ARID1B: variants seen among roughly 807,000 people sequenced by gnomAD.
The protein encoded by ARID1B is AT-rich interaction domain 1B, also known as AT-rich interactive domain-containing protein 1B.
Under a neutral mutation model 212.3 loss-of-function variants are expected in ARID1B, and 30 were observed. The observed-to-expected ratio is 0.14, with a 90% CI of 0.11 to 0.19. The LOEUF (loss-of-function observed/expected upper bound fraction) is 0.19. ARID1B is among the 10% of genes least tolerant of loss of function. The pLI is 1.00. For missense variants in ARID1B, 2,891 were observed against 3,204.0 expected (o/e 0.90, Z 2.36); for synonymous variants, 1,402 against 1,301.7 (o/e 1.08, Z -1.66).
At chr6:157,058,030 A>C (rs907446125) in intron 4 of ARID1B, among the ~76,000 whole-genome samples, 9 of 152,266 alleles carry the variant, frequency 5.9e-5, no homozygotes, top group South Asian at 4.1e-4. Context: ...TGACTACAAG[A>C]TGAACTGTAG....
chr6:157,178,482 A>G (rs572692502), intron 11 of ARID1B, among the ~76,000 whole-genome samples: 7 of 152,254 alleles, frequency 4.6e-5, no homozygotes, highest in African/African-American at 1.7e-4. Context: ...CAGTGGTGAA[A>G]CTGAGGCCCT....
At chr6:156,983,268 G>A (rs1777724367) in intron 4 of ARID1B, among the ~76,000 whole-genome samples, 2 of 151,942 alleles carry the variant, frequency 1.3e-5, no homozygotes, top group Admixed American at 6.6e-5. Context: ...GGTGGCAGGC[G>A]CCTGTAATCC....
chr6:156,810,760 A>G (rs1021448864), intron 1 of ARID1B, among the ~76,000 whole-genome samples: 1 of 152,192 alleles, frequency 6.6e-6, no homozygotes, highest in Admixed American at 6.5e-5. Flanking sequence ...GAGAGCACCA[A>G]CACCAATATT....
At chr6:157,106,575 C>G (rs1050648514) in intron 5 of ARID1B, among the ~76,000 whole-genome samples, 8 of 152,214 alleles carry the variant, frequency 5.3e-5, no homozygotes, top group African/African-American at 1.7e-4. Context: ...GATCATCTCT[C>G]TCCATTTTGA....
intron 4 of ARID1B, among the ~76,000 whole-genome samples, chr6:157,050,782 A>C (rs1782548876): frequency 6.6e-6 from 1 of 152,188 alleles, no homozygotes; most frequent in African/African-American, 2.4e-5. Context: ...TCAACAGTGG[A>C]AAGGTTTATG....
chr6:156,925,988 T>C (rs557223734), intron 3 of ARID1B, among the ~76,000 whole-genome samples: 5 of 152,164 alleles, frequency 3.3e-5, no homozygotes, highest in East Asian at 1.9e-4. Flanking sequence ...CTGTTTGGAG[T>C]CATACAGCTG....
In ARID1B at chr6:156,778,141, C is replaced by G. The variant is rs1331627857; in HGVS notation, c.461C>G (p.Thr154Ser). The change falls in exon 1 of 20, where the codon ACC becomes AGC. Residue 154 changes from threonine (T) to serine (S), a missense_variant. Around this residue, in one of 7 missense-constraint regions of ARID1B, gnomAD observed 1,643 missense variants for 1,544.0 expected, o/e 1.06. Transcript: ENST00000636930. ...CTGCTCCCCAACCACAAACTGAAAA[C>G]CGTTGGCGAAGCCCCCGCCGCGCCG... ...TGLLPNHKLKTVGEAPAAPPH... is the reference protein window; with the variant it reads ...TGLLPNHKLKSVGEAPAAPPH... 1 of 1,540,396 alleles carries G rather than the reference C, an allele frequency of 6.5e-7. No individual in the cohort carries two copies. Among genetic ancestry groups the G allele is most frequent in the South Asian group, 1.2e-5 (1 of 83,940 alleles).
chr6:157,079,737 G>A (rs1784520309), intron 4 of ARID1B, among the ~76,000 whole-genome samples: 1 of 152,074 alleles, frequency 6.6e-6, no homozygotes, highest in Non-Finnish European at 1.5e-5. Flanking sequence ...TTTTTCTGTA[G>A]AGCTTATAAA....
intron 4 of ARID1B, among the ~76,000 whole-genome samples, chr6:156,957,504 G>A (rs1436511066): frequency 6.6e-6 from 1 of 152,126 alleles, no homozygotes; most frequent in East Asian, 1.9e-4. Context: ...GGCTTAAGAA[G>A]CTGGAGCTTT....
At chr6:157,043,826 G>T (rs1489420099) in intron 4 of ARID1B, among the ~76,000 whole-genome samples, 4 of 152,186 alleles carry the variant, frequency 2.6e-5, no homozygotes, top group Non-Finnish European at 5.9e-5. Flanking sequence ...GAGTGGGTAT[G>T]GCTGGCATCA....
chr6:156,937,708 A>C (rs896504187), intron 4 of ARID1B: 1 of 152,226 alleles, frequency 6.6e-6, no homozygotes. Flanking sequence ...GGATGAAGGC[A>C]TTTAGGAGAT....
At chr6:157,183,366 C>G (rs1792703795) in intron 12 of ARID1B, among the ~76,000 whole-genome samples, 1 of 152,044 alleles carries the variant, frequency 6.6e-6, no homozygotes, top group Non-Finnish European at 1.5e-5. Flanking sequence ...AAGTTTGAAC[C>G]CAGAAATTTA....
chr6:156,878,808 A>T (rs1786804523), intron 2 of ARID1B, among the ~76,000 whole-genome samples: 1 of 152,198 alleles, frequency 6.6e-6, no homozygotes, highest in African/African-American at 2.4e-5. Context: ...TAATGCTTGC[A>T]ATTGCACTGG....
Position 157,198,098 on chromosome 6 carries a change from AT to A in ARID1B, c.4383-707del, listed in dbSNP as rs1462212825. On this transcript the variant is annotated intron_variant, in intron 16 of 19. Coordinates refer to ENST00000636930, the MANE Select transcript of ARID1B (RefSeq NM_001374828.1). Reference sequence around the variant, plus strand: ...AATCTATTGTCTTTTAAAACATGCTATTTTTTATGGTATTTATAATTTCTTA... The same window carrying A: ...AATCTATTGTCTTTTAAAACATGCTATTTTTATGGTATTTATAATTTCTTA... Among the ~76,000 whole-genome samples, 4 of 152,274 alleles carry A rather than the reference AT, an allele frequency of 2.6e-5. No homozygotes were observed. The South Asian group carries it at 8.3e-4, about 32-fold the overall frequency.
At chr6:156,855,353 T>C (rs1329606329) in intron 2 of ARID1B, among the ~76,000 whole-genome samples, 1 of 152,204 alleles carries the variant, frequency 6.6e-6, no homozygotes, top group African/African-American at 2.4e-5. Context: ...ACAAAAATAT[T>C]GTGTGCAAGT....
At chr6:156,880,394 A>G (rs1273295599) in intron 2 of ARID1B, among the ~76,000 whole-genome samples, 3 of 152,238 alleles carry the variant, frequency 2.0e-5, no homozygotes, top group Admixed American at 6.5e-5. Context: ...AAGGCTCTTT[A>G]TAGAGTAGGA....
chr6:156,944,081 T>C (rs1227027615), intron 4 of ARID1B, among the ~76,000 whole-genome samples: 1 of 152,192 alleles, frequency 6.6e-6, no homozygotes, highest in African/African-American at 2.4e-5. Flanking sequence ...GTAAGTTAGA[T>C]TTAGGAAACT....
At chr6:157,101,628 A>G (rs1269712553) in intron 5 of ARID1B, among the ~76,000 whole-genome samples, 1 of 152,096 alleles carries the variant, frequency 6.6e-6, no homozygotes, top group African/African-American at 2.4e-5. Flanking sequence ...TGCCCTCTAT[A>G]TAGTGAGTAC....
At chr6:156,983,237 A>G (rs556890736) in intron 4 of ARID1B, among the ~76,000 whole-genome samples, 1 of 151,292 alleles carries the variant, frequency 6.6e-6, no homozygotes, top group African/African-American at 2.4e-5. Context: ...TCTACTAAAA[A>G]CACAAAATTT....
Sources: gnomAD v4.1 joint callset for allele counts (sites outside exome capture counted in the v4.1 genomes callset) on GRCh38, gnomAD v4.1.1 for gene constraint, gnomAD v4.1.1 regional missense constraint, MANE v1.5 for transcripts, NCBI Gene and HGNC (gene_info 2026-07-23, HGNC 2026-07-21) for gene names.